TRIOBP: variants seen among roughly 807,000 people sequenced by gnomAD.
TRIOBP encodes TRIO and F-actin binding protein, also known as TRIO and F-actin-binding protein.
TRIOBP carries 169 observed loss-of-function variants against 238.8 expected under a neutral mutation model. The ratio of observed to expected loss-of-function variants is 0.71; its 90% confidence interval spans 0.62 to 0.80. The LOEUF (loss-of-function observed/expected upper bound fraction) is 0.80, where lower values mean the gene tolerates loss of function less well. Ranked by LOEUF, TRIOBP falls within the 30% of genes least tolerant of loss-of-function variation. TRIOBP has a pLI of 0.00. For synonymous variants in TRIOBP, 1,150 were observed against 1,274.4 expected (o/e 0.90, Z 2.08); for missense variants, 2,838 against 3,122.6 (o/e 0.91, Z 2.17).
chr22:37,743,944 G>A (rs181025224), intron 11 of TRIOBP, among the ~76,000 whole-genome samples: 126 of 151,598 alleles, frequency 8.3e-4, no homozygotes, highest in African/African-American at 2.9e-3. Context: ...AGAACCATCA[G>A]GGGGTAGAAG....
At chr22:37,750,943 G>A (rs563143609) in intron 11 of TRIOBP, 18 of 365,838 alleles carry the variant, frequency 4.9e-5, no homozygotes, top group South Asian at 3.4e-4. Context: ...ATGGCAACCG[G>A]TGGCCACCTC....
intron 11 of TRIOBP, 93 bp downstream of exon 11, chr22:37,741,125 G>A (rs1028804491): frequency 1.7e-5 from 25 of 1,497,852 alleles, no homozygotes; most frequent in Middle Eastern, 2.0e-4. Context: ...GAGAGAGAGT[G>A]GGGGCTGAGG....
chr22:37,725,894 G>T lies in TRIOBP; in HGVS notation c.3338G>T (p.Cys1113Phe). ...HEPLQLPAPV[C>F]IGYRDAPRAS... is the part of the protein sequence containing the mutation. ...CCCCTTCAGCTCCCTGCACCTGTGT[G>T]TATTGGGTACCGAGATGCACCCCGG... The change falls in exon 7 of 24, where the codon TGT becomes TTT. Residue 1113 changes from cysteine to phenylalanine, a missense_variant. Cys to Phe is a radical substitution (Grantham distance 205, BLOSUM62 -2). Transcript: ENST00000644935. 6.2e-7 allele frequency: 1 copy of T among 1,613,166 alleles called. No homozygotes were observed. Among genetic ancestry groups the T allele is most frequent in the South Asian group, 1.1e-5 (1 of 91,032 alleles).
chr22:37,738,779 G>A, intron 10 of TRIOBP, 60 bp downstream of exon 10: 1 of 1,556,022 alleles, frequency 6.4e-7, no homozygotes, highest in Non-Finnish European at 8.8e-7. Flanking sequence ...GCAGGTTGGA[G>A]ATGGGCTTCA....
chr22:37,759,235 G>A lies in TRIOBP; in HGVS notation c.6295G>A (p.Gly2099Ser). Reference sequence around the variant, plus strand: ...GAGTGCACTGAGATCCCAGGAGGATGGCCACATCCCCCCGGGCTACATCTC... The same window carrying A: ...GAGTGCACTGAGATCCCAGGAGGATAGCCACATCCCCCCGGGCTACATCTC... ...PQSALRSQED[G>S]HIPPGYISQE... Residue 2099 changes from glycine to serine, a missense_variant, in exon 17 of 24, where the codon GGC becomes AGC. Physicochemically the swap from Gly to Ser is moderately conservative, Grantham distance 56 (BLOSUM62 0). Transcript: ENST00000644935. The A allele has an allele frequency of 6.2e-7, 1 of 1,613,130 alleles. No homozygotes were observed. The highest frequency in any genetic ancestry group is 8.5e-7 in the Non-Finnish European group (1 of 1,179,992).
chr22:37,726,624 G>C (rs1924183082), intron 7 of TRIOBP, 121 bp downstream of exon 7: 2 of 1,071,836 alleles, frequency 1.9e-6, no homozygotes, highest in South Asian at 1.9e-5. Flanking sequence ...TTTACCGGCT[G>C]TGTGACCTTG....
At chr22:37,699,911 C>T (rs1234973910) in intron 2 of TRIOBP, among the ~76,000 whole-genome samples, 3 of 151,892 alleles carry the variant, frequency 2.0e-5, no homozygotes, top group African/African-American at 7.3e-5. Context: ...TGGAGTCTCG[C>T]TCTGTTGCTC....
rs758368237 is a variant in TRIOBP, at chr22:37,755,628, G to C, written c.5656G>C (p.Val1886Leu). Residue 1886 changes from valine to leucine, a missense_variant, in exon 15 of 24, where the codon GTA becomes CTA. Transcript: ENST00000644935. ...RNWIEALRKT[V>L]RPTSAPDVTK... is the part of the protein sequence containing the mutation. ...CTGGATCGAGGCTCTGAGAAAGACC[G>C]TACGTCCAACTTCAGCCCCAGATGT... The C allele has an allele frequency of 1.2e-6, 2 of 1,614,084 alleles. No individual in the cohort carries two copies. The highest frequency in any genetic ancestry group is 2.2e-5 in the South Asian group (2 of 91,086).
chr22:37,741,155 C>G, intron 11 of TRIOBP, 123 bp downstream of exon 11: 1 of 1,323,402 alleles, frequency 7.6e-7, no homozygotes, highest in Non-Finnish European at 1.0e-6. Flanking sequence ...CTAGGGCCGT[C>G]GCATGACAGG....
At chr22:37,711,593 C>CAAAAAAAAAAAAAA (rs1923243500) in intron 4 of TRIOBP, among the ~76,000 whole-genome samples, 1 of 24,202 alleles carries the variant, frequency 4.1e-5, no homozygotes, top group Non-Finnish European at 1.2e-4. Context: ...AAAAAAAAAA[C>CAAAAAAAAAAAAAA]AACAAAAAAA....
At chr22:37,704,337 CGCATTACT>C (rs1333159061) in intron 3 of TRIOBP, among the ~76,000 whole-genome samples, 14 of 151,846 alleles carry the variant, frequency 9.2e-5, no homozygotes, top group African/African-American at 3.4e-4. Flanking sequence ...GAGCCGTGAT[CGCATTACT>C]GTATTTCAGC....
chr22:37,746,562 C>T (rs920504859), intron 11 of TRIOBP: 2 of 733,006 alleles, frequency 2.7e-6, no homozygotes, highest in Non-Finnish European at 3.6e-6. Flanking sequence ...GACGGGGCCA[C>T]CTCCGAAGCG....
intron 6 of TRIOBP, 21 bp from the exon 7 acceptor site, chr22:37,723,163 AG>A: frequency 6.2e-7 from 1 of 1,613,226 alleles, no homozygotes; most frequent in Non-Finnish European, 8.5e-7. Flanking sequence ...CCTTACCTTG[AG>A]CCCCTCTCTT....
intron 4 of TRIOBP, among the ~76,000 whole-genome samples, chr22:37,712,580 C>T (rs1923307992): frequency 6.6e-6 from 1 of 151,890 alleles, no homozygotes; most frequent in Admixed American, 6.6e-5. Flanking sequence ...GGTGATCCAC[C>T]CACCTTGACC....
At chr22:37,739,340 A>C (rs1417522337) in intron 10 of TRIOBP, among the ~76,000 whole-genome samples, 1 of 151,994 alleles carries the variant, frequency 6.6e-6, no homozygotes, top group Non-Finnish European at 1.5e-5. Flanking sequence ...GGGGAGGAGG[A>C]GACAGACTGT....
intron 3 of TRIOBP, among the ~76,000 whole-genome samples, chr22:37,709,530 G>A (rs1287092771): frequency 2.0e-5 from 3 of 151,960 alleles, no homozygotes; most frequent in Non-Finnish European, 4.4e-5. Flanking sequence ...GGAGCCCCCC[G>A]GGGACGAGGG....
At chr22:37,743,842 T>TGTGCGCGC in intron 11 of TRIOBP, among the ~76,000 whole-genome samples, 1 of 115,266 alleles carries the variant, frequency 8.7e-6, no homozygotes, top group South Asian at 2.9e-4. Flanking sequence ...TGTGTGTGTG[T>TGTGCGCGC]GTGCTGGGTG....
intron 19 of TRIOBP, among the ~76,000 whole-genome samples, chr22:37,768,405 C>T (rs957377465): frequency 6.6e-6 from 1 of 152,234 alleles, no homozygotes; most frequent in African/African-American, 2.4e-5. Context: ...CCTCCACCCA[C>T]CTCTTCACCC....
At chr22:37,766,436 A>G (rs1203946898) in intron 18 of TRIOBP, among the ~76,000 whole-genome samples, 1 of 152,258 alleles carries the variant, frequency 6.6e-6, no homozygotes, top group African/African-American at 2.4e-5. Context: ...TGCTGTGCCA[A>G]GTGCTCATGC....
Sources: gnomAD v4.1 joint callset for allele counts (sites outside exome capture counted in the v4.1 genomes callset) on GRCh38, gnomAD v4.1.1 for gene constraint, MANE v1.5 for transcripts, NCBI Gene and HGNC (gene_info 2026-07-23, HGNC 2026-07-21) for gene names.